The following EYA2 variants were observed in gnomAD, a reference collection of about 807,000 sequenced individuals.
EYA2 encodes the protein EYA transcriptional coactivator and phosphatase 2.
In EYA2, 31 loss-of-function variants were observed where a neutral mutation model predicts 69.2. The observed-to-expected ratio is 0.45, with a 90% CI of 0.34 to 0.60. The LOEUF is 0.60. Ranked by LOEUF, EYA2 falls within the 20% of genes least tolerant of loss-of-function variation. The pLI is 0.02. For missense variants in EYA2, 622 were observed against 701.2 expected (o/e 0.89, Z 1.28); for synonymous variants, 257 against 279.4 (o/e 0.92, Z 0.80).
At chr20:47,158,762 T>G (rs1177734380) in intron 10 of EYA2, among the ~76,000 whole-genome samples, 3 of 151,924 alleles carry the variant, frequency 2.0e-5, no homozygotes, top group Admixed American at 6.6e-5. Context: ...TGATACGTTA[T>G]GCCAGAGGAA....
At chr20:47,153,275 A>G (rs2033859206) in intron 10 of EYA2, among the ~76,000 whole-genome samples, 4 of 152,026 alleles carry the variant, frequency 2.6e-5, no homozygotes, top group South Asian at 4.2e-4. Flanking sequence ...TGACCAGTAC[A>G]TCAAACCAGT....
intron 15 of EYA2, among the ~76,000 whole-genome samples, chr20:47,183,620 A>G (rs1014909072): frequency 6.6e-6 from 1 of 152,064 alleles, no homozygotes; most frequent in Non-Finnish European, 1.5e-5. Context: ...GTAGCCCTGG[A>G]TTGTTTCTGG....
intron 2 of EYA2, among the ~76,000 whole-genome samples, chr20:46,992,024 C>CCGATTCCT (rs1981706294): frequency 6.7e-6 from 1 of 150,142 alleles, no homozygotes; most frequent in South Asian, 2.1e-4. Context: ...CCCACATTCC[C>CCGATTCCT]CGCTGGCTGC....
chr20:47,170,814 T>C (rs1451050835), intron 11 of EYA2, among the ~76,000 whole-genome samples: 1 of 152,246 alleles, frequency 6.6e-6, no homozygotes, highest in Non-Finnish European at 1.5e-5. Flanking sequence ...TTAGACCAAC[T>C]AATGTTTTGG....
chr20:47,027,643 G>C (rs1984172442), intron 5 of EYA2, among the ~76,000 whole-genome samples: 1 of 152,182 alleles, frequency 6.6e-6, no homozygotes, highest in African/African-American at 2.4e-5. Flanking sequence ...GGCGGAAACA[G>C]CTGGAGAGAT....
At chr20:47,157,697 A>G (rs1044396879) in intron 10 of EYA2, among the ~76,000 whole-genome samples, 1 of 152,008 alleles carries the variant, frequency 6.6e-6, no homozygotes, top group African/African-American at 2.4e-5. Flanking sequence ...GACACAAATT[A>G]CTGAAATTAG....
chr20:47,036,803 A>C (rs1226725708), intron 5 of EYA2, among the ~76,000 whole-genome samples: 1 of 152,164 alleles, frequency 6.6e-6, no homozygotes, highest in African/African-American at 2.4e-5. Flanking sequence ...GAATGTGGCC[A>C]CTGAACTCAG....
At chr20:47,088,851 A>G (rs1600700444) in intron 7 of EYA2, among the ~76,000 whole-genome samples, 1 of 152,304 alleles carries the variant, frequency 6.6e-6, no homozygotes, top group African/African-American at 2.4e-5. Flanking sequence ...CTGGGATTAC[A>G]GGCGTAAGCC....
intron 9 of EYA2, among the ~76,000 whole-genome samples, chr20:47,124,230 G>T (rs1409810325): frequency 6.6e-6 from 1 of 152,184 alleles, no homozygotes; most frequent in Non-Finnish European, 1.5e-5. Flanking sequence ...AGGACTGGTG[G>T]TAAAGGGTTA....
chr20:46,971,111 A>ATG, intron 1 of EYA2, among the ~76,000 whole-genome samples: 1 of 150,366 alleles, frequency 6.7e-6, no homozygotes, highest in African/African-American at 2.4e-5. Context: ...ACACACATGC[A>ATG]CACACACGTA....
At chr20:47,113,081 CG>C (rs2032795355) in intron 9 of EYA2, among the ~76,000 whole-genome samples, 1 of 151,704 alleles carries the variant, frequency 6.6e-6, no homozygotes. Context: ...CCATGTTGAC[CG>C]GGCTGGTCTT....
At chr20:46,949,116 G>A (rs999630475) in intron 1 of EYA2, among the ~76,000 whole-genome samples, 23 of 152,194 alleles carry the variant, frequency 1.5e-4, no homozygotes, top group African/African-American at 5.5e-4. Flanking sequence ...AGAATATGGG[G>A]TGTTTGATCA....
Position 47,179,811 on chromosome 20 carries a change from T to G in EYA2, c.1212T>G (p.Thr404=). ...CTTTGTCCACAGGGTTGATAGGCACTCCCAAAAGGGAGACCTGGCTACAGC... is the reference window on the plus strand; with the variant it reads ...CTTTGTCCACAGGGTTGATAGGCACGCCCAAAAGGGAGACCTGGCTACAGC... ...YKNNVGGLIG[T]PKRETWLQLR... Residue 404 remains threonine (T), a synonymous_variant, in exon 13 of 16, where the codon ACT becomes ACG. Transcript: ENST00000327619. The G allele has an allele frequency of 6.2e-7, 1 of 1,613,548 alleles. No homozygotes were observed. Among genetic ancestry groups the G allele is most frequent in the Non-Finnish European group, 8.5e-7 (1 of 1,179,600 alleles).
chr20:47,163,698 C>CAAAAAAAAA (rs11471495), intron 10 of EYA2, among the ~76,000 whole-genome samples: 4 of 85,516 alleles, frequency 4.7e-5, no homozygotes, highest in African/African-American at 1.8e-4. Flanking sequence ...AACACTGTCT[C>CAAAAAAAAA]AAAAAAAAAA....
At chr20:47,144,583 G>A (rs1363686883) in intron 10 of EYA2, among the ~76,000 whole-genome samples, 1 of 152,194 alleles carries the variant, frequency 6.6e-6, no homozygotes, top group Non-Finnish European at 1.5e-5. Context: ...TTTCTAGTCT[G>A]CAGGCTGGAG....
intron 5 of EYA2, among the ~76,000 whole-genome samples, chr20:47,071,092 C>T (rs4487144): frequency 0.12 from 18,018 of 152,078 alleles, 1,161 homozygotes; most frequent in South Asian, 0.16. Context: ...TCGCTGCTAC[C>T]TCCGCCTCCC....
chr20:47,142,566 A>ATT (rs1446484317), intron 9 of EYA2, among the ~76,000 whole-genome samples: 2 of 152,162 alleles, frequency 1.3e-5, no homozygotes, highest in East Asian at 3.8e-4. Flanking sequence ...GATAACAGGG[A>ATT]TTTTTTTAAA....
At chr20:47,170,817 T>C (rs781015880) in intron 11 of EYA2, among the ~76,000 whole-genome samples, 1 of 152,242 alleles carries the variant, frequency 6.6e-6, no homozygotes, top group Non-Finnish European at 1.5e-5. Flanking sequence ...GACCAACTAA[T>C]GTTTTGGTTA....
intron 5 of EYA2, among the ~76,000 whole-genome samples, chr20:47,054,768 C>T (rs955582641): frequency 6.6e-6 from 1 of 152,196 alleles, no homozygotes; most frequent in African/African-American, 2.4e-5. Context: ...CTATGCCAGG[C>T]CCTGCTTCTG....
Sources: allele counts gnomAD v4.1 joint callset (sites outside exome capture counted in the v4.1 genomes callset), GRCh38; gene constraint gnomAD v4.1.1; transcripts MANE v1.5; gene names NCBI Gene and HGNC (gene_info 2026-07-23, HGNC 2026-07-21).